The following SCN4A variants were observed in gnomAD, a reference collection of about 807,000 sequenced individuals.
SCN4A encodes the protein sodium channel protein type 4 subunit alpha.
In SCN4A, 83 loss-of-function variants were observed where a neutral mutation model predicts 162.0. That is an observed-to-expected ratio of 0.51 (90% CI 0.43 to 0.61). SCN4A has a LOEUF of 0.61. SCN4A is among the 20% of genes least tolerant of loss of function. The pLI, the probability that SCN4A is intolerant of heterozygous loss-of-function variation, is 0.00. For missense variants in SCN4A, 2,196 were observed against 2,462.5 expected (o/e 0.89, Z 2.29); for synonymous variants, 944 against 985.1 (o/e 0.96, Z 0.78).
In SCN4A at chr17:63,943,099, G is replaced by A. The variant is rs1039601897; in HGVS notation, c.4018-3C>T. On this transcript the variant is annotated splice_region_variant and splice_polypyrimidine_tract_variant and intron_variant, in intron 22 of 23. Transcript: ENST00000435607. ...TACACCATGCCCTGGATCTTGTTCT[G>A]CAGCATGGGTGGGAGTGGATGTGGA... is the stretch of plus-strand genomic sequence containing the variant. 7 of 1,607,786 alleles carry A rather than the reference G, an allele frequency of 4.4e-6. No individual in the cohort carries two copies. The highest frequency in any genetic ancestry group is 6.0e-6 in the Non-Finnish European group (7 of 1,175,048).
intron 5 of SCN4A, among the ~76,000 whole-genome samples, chr17:63,969,632 C>CTTTCTTTTCT (rs1011097994): frequency 6.6e-6 from 1 of 151,864 alleles, no homozygotes; most frequent in Non-Finnish European, 1.5e-5. Flanking sequence ...TTCTTTCTTA[C>CTTTCTTTTCT]TTTCTTTTCT....
At position 63,971,188 on chromosome 17, in the gene SCN4A, G is replaced by A; in HGVS notation, c.677C>T (p.Ala226Val). The A allele has an allele frequency of 3.2e-6, 5 of 1,563,528 alleles. No homozygotes were observed. Among genetic ancestry groups the A allele is most frequent in the Non-Finnish European group, 4.3e-6 (5 of 1,153,088 alleles). The change falls in exon 5 of 24, where the codon GCC becomes GTC. Residue 226 changes from alanine to valine, a missense_variant. By Grantham distance (64) the Ala-to-Val change is moderately conservative. Coordinates refer to ENST00000435607, the MANE Select transcript of SCN4A (RefSeq NM_000334.4). The stretch of plus-strand genomic sequence containing the variant: ...TGGGATGACCGTGATGGTTTTGAGG[G>A]CCCGCAGCACCCGGAAGGTCCTCAG... ...SALRTFRVLR[A>V]LKTITVIPGL... is the part of the protein sequence containing the mutation.
At chr17:63,959,847 T>G (rs1294738510) in intron 11 of SCN4A, among the ~76,000 whole-genome samples, 1 of 152,082 alleles carries the variant, frequency 6.6e-6, no homozygotes, top group East Asian at 1.9e-4. Context: ...CAGTTGAGGC[T>G]CAGCTAGCTG....
Position 63,972,307 on chromosome 17 carries a change from G to T in SCN4A, c.392+45C>A. ...CTCCTGGGCCACAGCACCCCATCTCGCCCATCCCTAACCCCTCCCGCCTCT... is the reference window on the plus strand; with the variant it reads ...CTCCTGGGCCACAGCACCCCATCTCTCCCATCCCTAACCCCTCCCGCCTCT... On this transcript the variant is annotated intron_variant, in intron 2 of 23. Transcript: ENST00000435607. This position sits in a 1 kb window ranked among gnomAD's most constrained non-coding sequence, Gnocchi z 4.3. The T allele has an allele frequency of 6.3e-7, 1 of 1,590,774 alleles. No individual in the cohort carries two copies. The highest frequency in any genetic ancestry group is 8.6e-7 in the Non-Finnish European group (1 of 1,163,664).
In SCN4A at chr17:63,944,863, G is replaced by T; in HGVS notation, c.3775-53C>A. 1 of 1,603,128 alleles carries T rather than the reference G, an allele frequency of 6.2e-7. No individual in the cohort carries two copies. On this transcript the variant is annotated intron_variant, in intron 20 of 23. Transcript: ENST00000435607. This position sits in a 1 kb window ranked among gnomAD's most constrained non-coding sequence, Gnocchi z 4.3. ...TGGGTTTGCACGCTGGCTTCTCCCT[G>T]CCCCCCACAGCCCTGAGGGCAGGAC...
chr17:63,965,402 T>G (rs1909406378), intron 8 of SCN4A, among the ~76,000 whole-genome samples: 1 of 152,232 alleles, frequency 6.6e-6, no homozygotes, highest in African/African-American at 2.4e-5. Flanking sequence ...AAACATCACA[T>G]GGCATCAGAA....
chr17:63,951,382 G>A lies in SCN4A; in HGVS notation c.2853+42C>T. ...TTAGGGCTTGCTCCAGGTCACAGGA[G>A]AATTTGAAGCCGGGTCTGTCTGAGC... On this transcript the variant is annotated intron_variant, in intron 14 of 23. Transcript: ENST00000435607. This position sits in a 1 kb window ranked among gnomAD's most constrained non-coding sequence, Gnocchi z 4.5. The A allele has an allele frequency of 7.1e-7, 1 of 1,401,022 alleles. No homozygotes were observed. The highest frequency in any genetic ancestry group is 9.7e-7 in the Non-Finnish European group (1 of 1,026,426). 86.8% of individuals were successfully genotyped at this position (1,401,022 alleles called of 1,614,324 possible).
intron 13 of SCN4A, among the ~76,000 whole-genome samples, chr17:63,954,924 G>A (rs185158800): frequency 6.6e-6 from 1 of 152,268 alleles, no homozygotes; most frequent in Non-Finnish European, 1.5e-5. Context: ...CCACACACGG[G>A]ACAGACTCAC....
Position 63,971,275 on chromosome 17 carries a change from G to T in SCN4A, c.612-22C>A, listed in dbSNP as rs370768111. The T allele has an allele frequency of 9.5e-6, 13 of 1,364,510 alleles. No individual in the cohort carries two copies. In the Admixed American group the frequency reaches 1.2e-4, roughly 12 times the overall value. The allele number at this position is 1,364,510 out of a possible 1,614,324, so 84.5% of individuals were successfully genotyped here. On this transcript the variant is annotated intron_variant, in intron 4 of 23. Coordinates refer to ENST00000435607, the MANE Select transcript of SCN4A (RefSeq NM_000334.4). ...GTACCTGGGTAGGGGGTGGAGGGGG[G>T]TGGGGACTGTCAGAGCCTGGGGTGG...
chr17:63,968,904 A>T (rs1414476990), intron 5 of SCN4A, among the ~76,000 whole-genome samples: 2 of 152,200 alleles, frequency 1.3e-5, no homozygotes, highest in Admixed American at 6.5e-5. Flanking sequence ...CAGTGGCGTG[A>T]TCTTGGCTCA....
At chr17:63,958,755 G>A (rs1909151836) in intron 12 of SCN4A, among the ~76,000 whole-genome samples, 1 of 152,230 alleles carries the variant, frequency 6.6e-6, no homozygotes, top group Admixed American at 6.5e-5. Flanking sequence ...GTTTCACCAT[G>A]TTGGCCAGGC....
chr17:63,972,462 G>A lies in SCN4A; in HGVS notation c.282C>T (p.Ile94=), dbSNP rs563602704. ...DPYYSNKKTF[I]VLNKGKAIFR... ...AGATGGCCTTGCCCTTGTTGAGTACGATGAAGGTCTAAGGTGGGAGAGAGG... is the reference window on the plus strand; with the variant it reads ...AGATGGCCTTGCCCTTGTTGAGTACAATGAAGGTCTAAGGTGGGAGAGAGG... Residue 94 remains isoleucine, a synonymous_variant, in exon 2 of 24, where the codon ATC becomes ATT. Transcript: ENST00000435607. This position sits in a 1 kb window ranked among gnomAD's most constrained non-coding sequence, Gnocchi z 4.3. The A allele has an allele frequency of 1.3e-5, 21 of 1,613,730 alleles. No individual in the cohort carries two copies. In the East Asian group the frequency reaches 2.2e-4, roughly 17 times the overall value.
chr17:63,951,636 C>A lies in SCN4A; in HGVS notation c.2641G>T (p.Glu881Ter), dbSNP rs1555602355. The change falls in exon 14 of 24, where the codon GAG (glutamate) becomes TAG (stop). Residue 881 changes from glutamate to a stop codon, truncating the protein, a stop_gained. Coordinates refer to ENST00000435607, the MANE Select transcript of SCN4A (RefSeq NM_000334.4). LOFTEE classifies it high-confidence loss of function. This position sits in a 1 kb window ranked among gnomAD's most constrained non-coding sequence, Gnocchi z 4.5. ...TTCTTCAGGTCCTCCTCGGGCGGCTCCTTCTTCTCATCCTCGGGGGCAGTC... is the reference window on the plus strand; with the variant it reads ...TTCTTCAGGTCCTCCTCGGGCGGCTACTTCTTCTCATCCTCGGGGGCAGTC... Reference protein sequence around the residue: ...GETAPEDEKKEPPEEDLKKDN... With the variant: ...GETAPEDEKK 6.2e-7 allele frequency: 1 copy of A among 1,611,876 alleles called. No individual in the cohort carries two copies. The highest frequency in any genetic ancestry group is 1.3e-5 in the African/African-American group (1 of 74,982).
chr17:63,943,869 T>G lies in SCN4A; in HGVS notation c.3913-19A>C. ...CCCCTAAGTATAGTGGGATAGGGCTTGTCAGGTTGAGGTGCAGTTCCCCTT... is the reference window on the plus strand; with the variant it reads ...CCCCTAAGTATAGTGGGATAGGGCTGGTCAGGTTGAGGTGCAGTTCCCCTT... On this transcript the variant is annotated intron_variant, in intron 21 of 23. Transcript: ENST00000435607. 1 of 1,540,344 alleles carries G rather than the reference T, an allele frequency of 6.5e-7. No homozygotes were observed. The highest frequency in any genetic ancestry group is 9.0e-7 in the Non-Finnish European group (1 of 1,113,234).
At chr17:63,966,810 G>A (rs866414336) in intron 6 of SCN4A, among the ~76,000 whole-genome samples, 2 of 152,204 alleles carry the variant, frequency 1.3e-5, no homozygotes, top group East Asian at 1.9e-4. Flanking sequence ...GCACAGAGAC[G>A]GAACGTGTAC....
intron 13 of SCN4A, among the ~76,000 whole-genome samples, chr17:63,952,562 T>C (rs935849647): frequency 2.6e-5 from 4 of 152,150 alleles, no homozygotes; most frequent in African/African-American, 9.7e-5. Flanking sequence ...TTTTGTGCCT[T>C]CTTCTCCACC....
At chr17:63,946,757 C>T (rs920791491) in intron 18 of SCN4A, among the ~76,000 whole-genome samples, 1 of 152,186 alleles carries the variant, frequency 6.6e-6, no homozygotes, top group Non-Finnish European at 1.5e-5. Flanking sequence ...GCCGTGGGGC[C>T]CTCCTGGGTG....
At position 63,945,771 on chromosome 17, in the gene SCN4A, C is replaced by T. The variant is rs1404359006; in HGVS notation, c.3442-133G>A. On this transcript the variant is annotated intron_variant, in intron 18 of 23. Transcript: ENST00000435607. The surrounding 1 kb of genome is among the most constrained non-coding windows in gnomAD (Gnocchi z 4.4). ...GGAGGGCTTCCTAGAGGAGGGCCGA[C>T]CTGCTGGGCTGTGTGTGTGCAGGTT... The T allele has an allele frequency of 1.1e-5, 9 of 847,488 alleles. No homozygotes were observed. The highest frequency in any genetic ancestry group is 1.5e-5 in the Non-Finnish European group (8 of 529,752). The allele number at this position is 847,488 out of a possible 1,614,324, so 52.5% of individuals were successfully genotyped here. A position where few individuals can be genotyped will look rare whatever the true frequency, so the allele number is the denominator to read the frequency against.
intron 9 of SCN4A, 62 bp downstream of exon 9, chr17:63,964,406 G>T: frequency 1.4e-6 from 2 of 1,479,118 alleles, no homozygotes; most frequent in Non-Finnish European, 1.9e-6. Context: ...GAAGCCAGTG[G>T]CAGCCCCGGC....
Sources: allele counts gnomAD v4.1 joint callset (sites outside exome capture counted in the v4.1 genomes callset), GRCh38; gene constraint gnomAD v4.1.1; non-coding constraint Gnocchi (gnomAD v3.1); transcripts MANE v1.5; gene names NCBI Gene and HGNC (gene_info 2026-07-23, HGNC 2026-07-21).